The following C10orf90 variants were observed in gnomAD, a reference collection of about 807,000 sequenced individuals.
C10orf90 encodes chromosome 10 open reading frame 90, also known as (E2-independent) E3 ubiquitin-conjugating enzyme FATS.
A neutral mutation model predicts 62.5 loss-of-function variants in C10orf90; 56 were observed. The observed-to-expected ratio is 0.90, with a 90% confidence interval of 0.72 to 1.12. The LOEUF (loss-of-function observed/expected upper bound fraction) is 1.12. Ranked by LOEUF, C10orf90 falls within the 50% of genes most tolerant of loss-of-function variation. C10orf90 has a pLI of 0.00. For missense variants in C10orf90, 970 were observed against 880.4 expected (o/e 1.10, Z -1.29); for synonymous variants, 386 against 340.4 (o/e 1.13, Z -1.47).
In C10orf90 at chr10:126,564,288, C is replaced by T. The variant is rs144367314; in HGVS notation, c.314-50349G>A. ...CCAGATGAACATCAAGAATGGAGAC[C>T]CAGCCCACCAGGTTGTGGTGAGCAC... On this transcript the variant is annotated intron_variant, in intron 2 of 9. Coordinates refer to ENST00000488181, the MANE Select transcript of C10orf90 (RefSeq NM_001350921.2). Among the ~76,000 whole-genome samples the T allele has an allele frequency of 3.9e-3, 587 of 152,028 alleles. 4 individuals are homozygous for T. Among genetic ancestry groups the T allele is most frequent in the African/African-American group, 0.013 (552 of 41,440 alleles).
chr10:126,457,576 TGA>T (rs1398683307), intron 7 of C10orf90, among the ~76,000 whole-genome samples: 10 of 152,334 alleles, frequency 6.6e-5, no homozygotes, highest in African/African-American at 2.2e-4. Context: ...TGTGTGTATG[TGA>T]GTCTTGAGCT....
At chr10:126,512,328 A>ATG (rs1286330227) in intron 3 of C10orf90, among the ~76,000 whole-genome samples, 21 of 141,122 alleles carry the variant, frequency 1.5e-4, no homozygotes, top group African/African-American at 5.7e-4. Context: ...TGTGTGTTCT[A>ATG]TGTGTGTGTA....
intron 1 of C10orf90, among the ~76,000 whole-genome samples, chr10:126,665,375 ACCT>A (rs1846605683): frequency 6.6e-6 from 1 of 152,148 alleles, no homozygotes. Flanking sequence ...TGTTCGCTTT[ACCT>A]CCTGTTTGGT....
At chr10:126,636,217 C>T (rs957029620) in intron 2 of C10orf90, among the ~76,000 whole-genome samples, 4 of 152,126 alleles carry the variant, frequency 2.6e-5, no homozygotes, top group African/African-American at 4.8e-5. Context: ...AAGAGATCAT[C>T]GGCCCTAATT....
At chr10:126,466,309 C>T (rs61477715) in intron 4 of C10orf90, among the ~76,000 whole-genome samples, 47,395 of 151,534 alleles carry the variant, frequency 0.31, 7,551 homozygotes, top group African/African-American at 0.36. Context: ...GTCAGGAGAT[C>T]GAGACCATCC....
chr10:126,532,862 G>GAAAAAAAAAAAAAAAAAAA lies in C10orf90; in HGVS notation c.314-18924_314-18923insTTTTTTTTTTTTTTTTTTT, dbSNP rs1564860259. Among the ~76,000 whole-genome samples the GAAAAAAAAAAAAAAAAAAA allele has an allele frequency of 3.2e-4, 7 of 22,142 alleles. 1 individual carries two copies. Among genetic ancestry groups the GAAAAAAAAAAAAAAAAAAA allele is most frequent in the South Asian group, 2.8e-3 (2 of 712 alleles). The allele number at this position is 22,142 out of a possible 152,430, so 14.5% of individuals were successfully genotyped here. On this transcript the variant is annotated intron_variant, in intron 2 of 9. Coordinates refer to ENST00000488181, the MANE Select transcript of C10orf90 (RefSeq NM_001350921.2). Reference sequence around the variant, plus strand: ...CGTCTCAAAAAAAAAAAAAAATAGTGAGCACAAAACAAGTGTTTTCAAAAA... The same window carrying GAAAAAAAAAAAAAAAAAAA: ...CGTCTCAAAAAAAAAAAAAAATAGTGAAAAAAAAAAAAAAAAAAAAGCACAAAACAAGTGTTTTCAAAAA...
chr10:126,651,322 G>A (rs1045185826), intron 1 of C10orf90, among the ~76,000 whole-genome samples: 3 of 152,156 alleles, frequency 2.0e-5, no homozygotes, highest in Non-Finnish European at 2.9e-5. Flanking sequence ...TACTCTGACA[G>A]CAAAACCTTA....
intron 1 of C10orf90, among the ~76,000 whole-genome samples, chr10:126,655,056 C>T (rs940814131): frequency 6.6e-6 from 1 of 152,128 alleles, no homozygotes; most frequent in Non-Finnish European, 1.5e-5. Context: ...CGCGGTGGCT[C>T]ACACCTGTAA....
At chr10:126,545,684 G>C (rs1864474968) in intron 2 of C10orf90, among the ~76,000 whole-genome samples, 1 of 152,116 alleles carries the variant, frequency 6.6e-6, no homozygotes, top group Non-Finnish European at 1.5e-5. Flanking sequence ...TCACCGTATA[G>C]CACTTTTCTG....
Position 126,456,265 on chromosome 10 carries a change from T to C in C10orf90, c.2188+2775A>G, listed in dbSNP as rs891193092. Among the ~76,000 whole-genome samples the C allele has an allele frequency of 2.6e-5, 4 of 152,230 alleles. No homozygotes were observed. Among genetic ancestry groups the C allele is most frequent in the African/African-American group, 9.7e-5 (4 of 41,450 alleles). On this transcript the variant is annotated intron_variant, in intron 7 of 9. Coordinates refer to ENST00000488181, the MANE Select transcript of C10orf90 (RefSeq NM_001350921.2). This position sits in a 1 kb window ranked among gnomAD's most constrained non-coding sequence, Gnocchi z 4.9. ...TGTATGAGGCTCTGGTTTCAGAGGC[T>C]GTCTGATTTCACTGACCTAACACAA...
intron 2 of C10orf90, among the ~76,000 whole-genome samples, chr10:126,528,603 G>C (rs549480870): frequency 3.3e-5 from 5 of 152,318 alleles, no homozygotes; most frequent in African/African-American, 9.6e-5. Context: ...TACCCAGCTG[G>C]ACCGTGATCA....
At chr10:126,527,001 T>G (rs10901627) in intron 2 of C10orf90, among the ~76,000 whole-genome samples, 9,878 of 152,240 alleles carry the variant, frequency 0.065, 1,046 homozygotes, top group African/African-American at 0.22. Context: ...CCCCTGTGGG[T>G]TTATAATACT....
At chr10:126,478,171 A>C (rs2133793094) in intron 4 of C10orf90, among the ~76,000 whole-genome samples, 1 of 152,328 alleles carries the variant, frequency 6.6e-6, no homozygotes, top group East Asian at 1.9e-4. Context: ...GAAAGACAGA[A>C]GGCATTGGAA....
intron 2 of C10orf90, among the ~76,000 whole-genome samples, chr10:126,587,968 G>A (rs1210088908): frequency 6.6e-6 from 1 of 152,210 alleles, no homozygotes. Flanking sequence ...TGAATCCAGG[G>A]AGGCAAGTGG....
intron 2 of C10orf90, among the ~76,000 whole-genome samples, chr10:126,533,807 C>T (rs1030474223): frequency 2.0e-5 from 3 of 152,224 alleles, no homozygotes; most frequent in Admixed American, 2.0e-4. Context: ...GCTCTTAGCA[C>T]AAGTGCCTGG....
intron 4 of C10orf90, chr10:126,502,565 G>T: frequency 4.0e-6 from 1 of 247,912 alleles, no homozygotes; most frequent in Non-Finnish European, 8.1e-6. Context: ...ATGAGTGTAT[G>T]AGTGTTTGAG....
chr10:126,460,245 A>C (rs897762378), intron 6 of C10orf90, among the ~76,000 whole-genome samples: 1 of 152,192 alleles, frequency 6.6e-6, no homozygotes. Context: ...ACAGTGAGTC[A>C]TATGTTTACC....
chr10:126,619,291 T>C (rs1845600664), intron 2 of C10orf90, among the ~76,000 whole-genome samples: 1 of 152,218 alleles, frequency 6.6e-6, no homozygotes, highest in African/African-American at 2.4e-5. Flanking sequence ...CATAGGCACG[T>C]ATTCCTGTCA....
chr10:126,647,133 T>G (rs1278230981), intron 1 of C10orf90, among the ~76,000 whole-genome samples: 1 of 152,242 alleles, frequency 6.6e-6, no homozygotes, highest in Non-Finnish European at 1.5e-5. Context: ...TTGCTGACTT[T>G]TTCTGCCAAA....
Sources: allele counts gnomAD v4.1 joint callset (sites outside exome capture counted in the v4.1 genomes callset), GRCh38; gene constraint gnomAD v4.1.1; non-coding constraint Gnocchi (gnomAD v3.1); transcripts MANE v1.5; gene names NCBI Gene and HGNC (gene_info 2026-07-23, HGNC 2026-07-21).